Variants in CSMD1 observed in about 807,000 individuals in gnomAD.
CSMD1 encodes CUB and Sushi multiple domains 1.
Under a neutral mutation model 417.5 loss-of-function variants are expected in CSMD1, and 213 were observed. That is an observed-to-expected ratio of 0.51 (90% CI 0.46 to 0.57). The LOEUF (loss-of-function observed/expected upper bound fraction) is 0.57. Among genes scored for constraint, CSMD1 ranks in the 20% least tolerant of loss-of-function variants. The pLI is 0.00. For synonymous variants in CSMD1, 2,862 were observed against 1,736.8 expected (o/e 1.65, Z -16.11); for missense variants, 6,923 against 4,529.7 (o/e 1.53, Z -15.17).
chr8:4,287,441 C>T (rs184062395), intron 3 of CSMD1, among the ~76,000 whole-genome samples: 47 of 152,194 alleles, frequency 3.1e-4, no homozygotes, highest in Non-Finnish European at 4.4e-5. Context: ...TTTCTTACGT[C>T]CAATATTGAG....
chr8:4,355,647 AG>A (rs542215204), intron 3 of CSMD1, among the ~76,000 whole-genome samples: 200 of 152,332 alleles, frequency 1.3e-3, no homozygotes, highest in African/African-American at 4.5e-3. Context: ...ATTCAAGAAA[AG>A]CAAGCATGCT....
chr8:4,566,746 G>A (rs959271100), intron 2 of CSMD1, among the ~76,000 whole-genome samples: 1 of 150,888 alleles, frequency 6.6e-6, no homozygotes, highest in Non-Finnish European at 1.5e-5. Flanking sequence ...GAGGTGGAAT[G>A]TGCACTTTAT....
chr8:4,179,106 G>A (rs1331918188), intron 3 of CSMD1, among the ~76,000 whole-genome samples: 1 of 152,110 alleles, frequency 6.6e-6, no homozygotes, highest in African/African-American at 2.4e-5. Flanking sequence ...ACAAAAAAGA[G>A]CCCGCATCGC....
intron 16 of CSMD1, among the ~76,000 whole-genome samples, chr8:3,398,594 G>C (rs371425260): frequency 6.6e-6 from 1 of 152,150 alleles, no homozygotes. Context: ...CTGAAATCCA[G>C]AATGTAGTCT....
intron 49 of CSMD1, among the ~76,000 whole-genome samples, chr8:3,067,258 C>T (rs1812998345): frequency 6.6e-6 from 1 of 152,104 alleles, no homozygotes; most frequent in Non-Finnish European, 1.5e-5. Flanking sequence ...GACGTTTTTC[C>T]ACCATTTCCA....
chr8:3,780,032 C>T (rs9314504), intron 5 of CSMD1, among the ~76,000 whole-genome samples: 54,923 of 152,114 alleles, frequency 0.36, 10,465 homozygotes, highest in Middle Eastern at 0.46. Context: ...GGTATTCACA[C>T]TCTACTTCTA....
At chr8:3,548,542 G>A (rs1181639918) in intron 10 of CSMD1, among the ~76,000 whole-genome samples, 1 of 151,656 alleles carries the variant, frequency 6.6e-6, no homozygotes, top group South Asian at 2.1e-4. Flanking sequence ...GAGAACATAC[G>A]ATGTTTGGTT....
intron 50 of CSMD1, among the ~76,000 whole-genome samples, chr8:3,035,040 A>G (rs558511132): frequency 2.8e-4 from 43 of 152,218 alleles, no homozygotes; most frequent in African/African-American, 8.2e-4. Flanking sequence ...CTCCCCTAAG[A>G]CTTAAGACAA....
intron 1 of CSMD1, among the ~76,000 whole-genome samples, chr8:4,932,363 G>C (rs1158427202): frequency 1.3e-5 from 2 of 151,476 alleles, no homozygotes; most frequent in Non-Finnish European, 2.9e-5. Context: ...CTCAAAGTCT[G>C]ATTTCAGAAA....
At chr8:4,878,943 G>C (rs1803220915) in intron 1 of CSMD1, among the ~76,000 whole-genome samples, 1 of 151,764 alleles carries the variant, frequency 6.6e-6, no homozygotes, top group African/African-American at 2.4e-5. Flanking sequence ...AAGGTGAAGA[G>C]GACCTGCCAA....
chr8:4,425,171 T>C (rs1797476409), intron 2 of CSMD1, among the ~76,000 whole-genome samples: 1 of 152,044 alleles, frequency 6.6e-6, no homozygotes, highest in African/African-American at 2.4e-5. Context: ...TTAAGTTTTA[T>C]AAAAAATTGT....
intron 6 of CSMD1, among the ~76,000 whole-genome samples, chr8:3,717,818 T>A (rs1435676355): frequency 6.6e-6 from 1 of 152,214 alleles, no homozygotes; most frequent in Non-Finnish European, 1.5e-5. Context: ...AATTCCTTTA[T>A]CATTAGAAAT....
chr8:3,481,023 G>T (rs753119087), intron 11 of CSMD1, among the ~76,000 whole-genome samples: 1 of 151,624 alleles, frequency 6.6e-6, no homozygotes, highest in East Asian at 1.9e-4. Flanking sequence ...AGGCGTGGTG[G>T]CAGGCACCTG....
intron 1 of CSMD1, among the ~76,000 whole-genome samples, chr8:4,739,313 T>G (rs976704345): frequency 1.3e-5 from 2 of 152,236 alleles, no homozygotes; most frequent in Admixed American, 1.3e-4. Context: ...ATAGCCATAG[T>G]TGACAGAACT....
intron 26 of CSMD1, among the ~76,000 whole-genome samples, chr8:3,246,729 TC>T (rs1799908178): frequency 6.6e-6 from 1 of 152,216 alleles, no homozygotes; most frequent in Admixed American, 6.5e-5. Flanking sequence ...CGCCTTGGCA[TC>T]CCAAAGTGCT....
intron 3 of CSMD1, among the ~76,000 whole-genome samples, chr8:4,111,893 G>C (rs937076812): frequency 1.3e-5 from 2 of 152,094 alleles, no homozygotes; most frequent in Admixed American, 6.6e-5. Flanking sequence ...TAAGAAACCT[G>C]CACATCCAGC....
chr8:4,046,410 T>G (rs1310375750), intron 3 of CSMD1, among the ~76,000 whole-genome samples: 1 of 152,210 alleles, frequency 6.6e-6, no homozygotes, highest in East Asian at 1.9e-4. Flanking sequence ...GATTTTCATA[T>G]TCATTCAAAC....
intron 3 of CSMD1, among the ~76,000 whole-genome samples, chr8:4,274,276 T>C (rs1423943307): frequency 1.3e-5 from 2 of 152,160 alleles, no homozygotes; most frequent in Non-Finnish European, 1.5e-5. Context: ...TAGCTGCTAC[T>C]ATCAGGCTTA....
At position 3,269,335 on chromosome 8, in the gene CSMD1, C is replaced by T. The variant is rs141792709; in HGVS notation, c.4153+14809G>A. ...GAGCAGAGGGGAGCGATGGCTCCAG[C>T]TACGCTTGTCTTGTGCTGCCCTTCA... On this transcript the variant is annotated intron_variant, in intron 26 of 69. Transcript: ENST00000635120. Among the ~76,000 whole-genome samples the T allele has an allele frequency of 5.3e-4, 81 of 152,346 alleles. 1 individual carries two copies. Among genetic ancestry groups the T allele is most frequent in the Admixed American group, 5.3e-3 (81 of 15,304 alleles).
Sources: allele counts gnomAD v4.1 joint callset (sites outside exome capture counted in the v4.1 genomes callset), GRCh38; gene constraint gnomAD v4.1.1; transcripts MANE v1.5; gene names NCBI Gene and HGNC (gene_info 2026-07-23, HGNC 2026-07-21).